Variants in GSE1 observed in about 807,000 individuals in gnomAD.
GSE1 encodes genetic suppressor element 1.
GSE1 carries 32 observed loss-of-function variants against 112.6 expected under a neutral mutation model. The observed-to-expected ratio is 0.28, with a 90% CI of 0.21 to 0.38. The LOEUF (loss-of-function observed/expected upper bound fraction) is 0.38, where lower values mean the gene tolerates loss of function less well. Ranked by LOEUF, GSE1 falls within the 10% of genes least tolerant of loss-of-function variation. The pLI is 1.00. For synonymous variants in GSE1, 1,115 were observed against 735.6 expected (o/e 1.52, Z -8.35); for missense variants, 2,348 against 1,699.2 (o/e 1.38, Z -6.71).
chr16:85,180,706 G>T (rs988728190), intron 1 of GSE1, among the ~76,000 whole-genome samples: 1 of 152,210 alleles, frequency 6.6e-6, no homozygotes, highest in Non-Finnish European at 1.5e-5. Flanking sequence ...CACCCAGGCT[G>T]CCTGGCTCCA....
intron 2 of GSE1, among the ~76,000 whole-genome samples, chr16:85,374,438 T>C (rs1371203486): frequency 6.6e-6 from 1 of 151,944 alleles, no homozygotes; most frequent in African/African-American, 2.4e-5. Context: ...TGCATGTCTG[T>C]GTCTGTGTCC....
intron 1 of GSE1, among the ~76,000 whole-genome samples, chr16:85,182,906 C>T (rs972009696): frequency 1.1e-4 from 17 of 152,066 alleles, no homozygotes; most frequent in Admixed American, 3.3e-4. Context: ...CTCGCACACA[C>T]GCACCTTGCA....
chr16:85,187,246 C>T (rs890332139), intron 1 of GSE1, among the ~76,000 whole-genome samples: 14 of 152,222 alleles, frequency 9.2e-5, no homozygotes, highest in Admixed American at 2.0e-4. Flanking sequence ...GCTCCAGGGC[C>T]TTAATCAGGC....
chr16:85,347,159 C>G (rs931250481), intron 1 of GSE1, among the ~76,000 whole-genome samples: 1 of 151,744 alleles, frequency 6.6e-6, no homozygotes, highest in African/African-American at 2.4e-5. Context: ...GGCTCTCACC[C>G]TTGGAGGCAG....
At chr16:85,183,658 G>A (rs1310802820) in intron 1 of GSE1, among the ~76,000 whole-genome samples, 1 of 152,220 alleles carries the variant, frequency 6.6e-6, no homozygotes, top group Non-Finnish European at 1.5e-5. Flanking sequence ...TAAGTCGACT[G>A]GCCTGTCTTA....
intron 2 of GSE1, among the ~76,000 whole-genome samples, chr16:85,526,867 G>A (rs1476829582): frequency 1.3e-5 from 2 of 152,212 alleles, no homozygotes; most frequent in East Asian, 3.8e-4. Flanking sequence ...AGCTGCTAGT[G>A]TATAAAGAAC....
At chr16:85,300,368 G>A (rs1456859699) in intron 1 of GSE1, among the ~76,000 whole-genome samples, 1 of 152,134 alleles carries the variant, frequency 6.6e-6, no homozygotes, top group Non-Finnish European at 1.5e-5. Flanking sequence ...TTGCAGTGCC[G>A]TACAACTGTC....
intron 2 of GSE1, among the ~76,000 whole-genome samples, chr16:85,529,783 G>T (rs937516977): frequency 6.6e-6 from 1 of 152,206 alleles, no homozygotes; most frequent in African/African-American, 2.4e-5. Context: ...TCTAGCTAGA[G>T]GAGGTTTGCC....
In GSE1 at chr16:85,657,444, G is replaced by A. The variant is rs2052058853; in HGVS notation, c.1480G>A (p.Glu494Lys). ...CCTGCTGATCCAGCGCACCAATGAG[G>A]AGGAGAAGTGGCTGGCGCGGCAGCG... ...TALLIQRTNE[E>K]EKWLARQRRL... The change falls in exon 8 of 16, where the codon GAG becomes AAG. Residue 494 changes from glutamate to lysine, a missense_variant. Physicochemically the swap from Glu to Lys is moderately conservative, Grantham distance 56. Transcript: ENST00000253458. 1.2e-6 allele frequency: 2 copies of A among 1,612,648 alleles called. No individual in the cohort carries two copies. Among genetic ancestry groups the A allele is most frequent in the Non-Finnish European group, 1.7e-6 (2 of 1,179,806 alleles).
rs556874069 is a variant in GSE1 at position 85,201,646 on chromosome 16, C to T, written c.2283+29839C>T. On this transcript the variant is annotated intron_variant, in intron 1 of 2. Transcript: ENST00000637419. ...CAGCCTGAGTGAAAGAGCAAGACTC[C>T]GTCTCAAAAAAAAAAACAACAACAA... Among the ~76,000 whole-genome samples the T allele has an allele frequency of 7.3e-5, 11 of 149,902 alleles. 1 individual carries two copies. The highest frequency in any genetic ancestry group is 2.7e-4 in the Admixed American group (4 of 14,948).
At chr16:85,416,637 T>C (rs1490553094) in intron 2 of GSE1, among the ~76,000 whole-genome samples, 1 of 152,168 alleles carries the variant, frequency 6.6e-6, no homozygotes, top group African/African-American at 2.4e-5. Flanking sequence ...GCCCTGCAGG[T>C]TTCCTTGCTA....
intron 1 of GSE1, among the ~76,000 whole-genome samples, chr16:85,254,392 G>T (rs558297231): frequency 6.6e-6 from 1 of 152,290 alleles, no homozygotes; most frequent in African/African-American, 2.4e-5. Flanking sequence ...CCCTGAAGAA[G>T]TTGTCCCCTA....
At chr16:85,519,932 A>C (rs150543127) in intron 2 of GSE1, among the ~76,000 whole-genome samples, 62 of 152,062 alleles carry the variant, frequency 4.1e-4, no homozygotes, top group Non-Finnish European at 7.2e-4. Flanking sequence ...CATGCCCTCT[A>C]TACTTGGGAA....
chr16:85,537,838 G>A (rs1301679564), intron 2 of GSE1, among the ~76,000 whole-genome samples: 3 of 152,266 alleles, frequency 2.0e-5, no homozygotes, highest in African/African-American at 7.2e-5. Flanking sequence ...GGAGGCTGGG[G>A]CGGTTGGGGT....
At chr16:85,224,476 G>C (rs1290246616) in intron 1 of GSE1, among the ~76,000 whole-genome samples, 1 of 152,086 alleles carries the variant, frequency 6.6e-6, no homozygotes, top group Non-Finnish European at 1.5e-5. Context: ...TTATAGCTTA[G>C]TTCAGTTGGA....
intron 1 of GSE1, among the ~76,000 whole-genome samples, chr16:85,186,733 C>G (rs768405429): frequency 5.3e-5 from 8 of 152,126 alleles, no homozygotes; most frequent in Non-Finnish European, 1.2e-4. Context: ...CCACTGCACT[C>G]CAGCCTGGGT....
intron 1 of GSE1, among the ~76,000 whole-genome samples, chr16:85,314,609 C>T (rs1176015890): frequency 1.3e-5 from 2 of 152,226 alleles, no homozygotes; most frequent in African/African-American, 4.8e-5. Context: ...CACAGGCTCC[C>T]TCCTTCCTCG....
intron 2 of GSE1, among the ~76,000 whole-genome samples, chr16:85,462,917 C>A (rs929144855): frequency 2.6e-5 from 4 of 151,274 alleles, no homozygotes; most frequent in African/African-American, 9.7e-5. Flanking sequence ...CCCGGCTGCT[C>A]CGTGCCGCCC....
At chr16:85,188,675 C>T (rs2074759407) in intron 1 of GSE1, among the ~76,000 whole-genome samples, 1 of 151,838 alleles carries the variant, frequency 6.6e-6, no homozygotes, top group Non-Finnish European at 1.5e-5. Context: ...GGTGGCATGC[C>T]CTATAGTTCC....
Sources: allele counts gnomAD v4.1 joint callset (sites outside exome capture counted in the v4.1 genomes callset), GRCh38; gene constraint gnomAD v4.1.1; transcripts MANE v1.5; gene names NCBI Gene and HGNC (gene_info 2026-07-23, HGNC 2026-07-21).